IQCH: variants seen among roughly 807,000 people sequenced by gnomAD.
IQCH encodes IQ domain-containing protein H.
A neutral mutation model predicts 117.0 loss-of-function variants in IQCH; 98 were observed. The observed-to-expected ratio is 0.84, with a 90% CI of 0.71 to 0.99. The LOEUF (loss-of-function observed/expected upper bound fraction) is 0.99. Among genes scored for constraint, IQCH ranks in the 50% least tolerant of loss-of-function variants. The probability of loss-of-function intolerance (pLI) is 0.00; values close to 1 mark genes in which losing one functional copy is unlikely to be tolerated. For synonymous variants in IQCH, 412 were observed against 448.2 expected, an observed-to-expected ratio of 0.92 and a Z score of 1.02; for missense variants, 1,102 against 1,243.8, an observed-to-expected ratio of 0.89 and a Z score of 1.72.
rs1321735394 is a variant in IQCH at position 67,494,962 on chromosome 15, A to G, written c.2970+596A>G. ...ATCCAGTTGTGTATAATTGACTAGA[A>G]GTCTCCAAACTGTAAACTACAGGAA... On this transcript the variant is annotated intron_variant, in intron 20 of 20. Transcript: ENST00000335894. The surrounding 1 kb of genome is among the most constrained non-coding windows in gnomAD (Gnocchi z 5.5). 6.6e-6 allele frequency among the ~76,000 whole-genome samples: 1 copy of G among 152,238 alleles called. No individual in the cohort carries two copies. Among genetic ancestry groups the G allele is most frequent in the African/African-American group, 2.4e-5 (1 of 41,454 alleles).
chr15:67,381,316 G>A lies in IQCH; in HGVS notation c.1373-3620G>A, dbSNP rs746399089. 1.6e-4 allele frequency among the ~76,000 whole-genome samples: 25 copies of A among 152,304 alleles called. No homozygotes were observed. Among genetic ancestry groups the A allele is most frequent in the Middle Eastern group, 3.4e-3 (1 of 294 alleles). On this transcript the variant is annotated intron_variant, in intron 10 of 20. Coordinates refer to ENST00000335894, the MANE Select transcript of IQCH (RefSeq NM_001031715.3). This position sits in a 1 kb window ranked among gnomAD's most constrained non-coding sequence, Gnocchi z 5.1. ...TGATGAGCAACCTTGGTTCAGTGGG[G>A]GACCAGAAGTAGTAGATGAGTAACT...
intron 16 of IQCH, among the ~76,000 whole-genome samples, chr15:67,423,464 G>A (rs1036125580): frequency 6.6e-6 from 1 of 151,936 alleles, no homozygotes; most frequent in Non-Finnish European, 1.5e-5. Flanking sequence ...AGCTACTCAG[G>A]AGGCTGAAGT....
rs117225480 is a variant in IQCH at position 67,274,006 on chromosome 15, T to C, written c.270-5389T>C. 1.4e-3 allele frequency among the ~76,000 whole-genome samples: 217 copies of C among 152,368 alleles called. 1 individual carries two copies. The highest frequency in any genetic ancestry group is 2.8e-3 in the Non-Finnish European group (188 of 68,034). On this transcript the variant is annotated intron_variant, in intron 3 of 20. Transcript: ENST00000335894. ...TGTTTTCACATTCTCTCTTGGCTTATATCGTTTCCATTGAGAAGTCGTTTG... is the reference window on the plus strand; with the variant it reads ...TGTTTTCACATTCTCTCTTGGCTTACATCGTTTCCATTGAGAAGTCGTTTG...
In IQCH at chr15:67,284,964, C is replaced by T. The variant is rs145578058; in HGVS notation, c.387+5452C>T. Among the ~76,000 whole-genome samples the T allele has an allele frequency of 1.3e-3, 192 of 152,150 alleles. 1 individual carries two copies. The highest frequency in any genetic ancestry group is 4.5e-3 in the African/African-American group (185 of 41,534). On this transcript the variant is annotated intron_variant, in intron 4 of 20. Transcript: ENST00000335894. ...ATAGAATGATTTATATTCCTTTGGG[C>T]GTATACCCAGTAGTGGGATTGCTGG...
chr15:67,361,983 A>G (rs2140753577), intron 8 of IQCH, among the ~76,000 whole-genome samples: 1 of 152,282 alleles, frequency 6.6e-6, no homozygotes, highest in South Asian at 2.1e-4. Context: ...AATCTATTTT[A>G]TGGATAAAAC....
chr15:67,372,073 A>C, intron 8 of IQCH, 38 bp from the exon 9 acceptor site: 3 of 1,504,742 alleles, frequency 2.0e-6, no homozygotes, highest in Non-Finnish European at 2.7e-6. Flanking sequence ...AGATCATAAT[A>C]TCTTTCACTT....
Position 67,395,702 on chromosome 15 carries a change from C to CTTCATTTATTTATTTA in IQCH, c.1905+141_1905+142insCATTTATTTATTTATT, listed in dbSNP as rs368063168. 11 of 242,234 alleles carry CTTCATTTATTTATTTA rather than the reference C, an allele frequency of 4.5e-5. No homozygotes were observed. The highest frequency in any genetic ancestry group is 7.7e-5 in the Non-Finnish European group (10 of 129,050). 15.0% of individuals were successfully genotyped at this position (242,234 alleles called of 1,614,324 possible). A position where few individuals can be genotyped will look rare whatever the true frequency, so the allele number is the denominator to read the frequency against. On this transcript the variant is annotated intron_variant, in intron 13 of 20. Transcript: ENST00000335894. This position sits in a 1 kb window ranked among gnomAD's most constrained non-coding sequence, Gnocchi z 4.0. Reference sequence around the variant, plus strand: ...ATTTGAGTTGATTTGAGGGAATCTACTTTATTTATTTATTTATTTATTTAT... The same window carrying CTTCATTTATTTATTTA: ...ATTTGAGTTGATTTGAGGGAATCTACTTCATTTATTTATTTATTTATTTATTTATTTATTTATTTAT...
In IQCH at chr15:67,302,688, C is replaced by G. The variant is rs375862362; in HGVS notation, c.387+23176C>G. On this transcript the variant is annotated intron_variant, in intron 4 of 20. Coordinates refer to ENST00000335894, the MANE Select transcript of IQCH (RefSeq NM_001031715.3). ...CCTGACCAACATGGTGAAACCCTGT[C>G]TCTACTAAAAATACAAAAATTAGCC... Among the ~76,000 whole-genome samples, 103 of 152,292 alleles carry G rather than the reference C, an allele frequency of 6.8e-4. 4 individuals are homozygous for G. In the East Asian group the frequency reaches 0.012, roughly 17 times the overall value.
chr15:67,288,695 C>T (rs1966651259), intron 4 of IQCH, among the ~76,000 whole-genome samples: 1 of 152,054 alleles, frequency 6.6e-6, no homozygotes, highest in South Asian at 2.1e-4. Context: ...TTGCATCCAT[C>T]CAGCCACTCT....
intron 5 of IQCH, among the ~76,000 whole-genome samples, chr15:67,341,301 T>C (rs191438795): frequency 8.5e-5 from 13 of 152,288 alleles, no homozygotes; most frequent in Admixed American, 5.2e-4. Context: ...GTTGTTCTCC[T>C]TCCTTGTGAA....
In IQCH at chr15:67,263,159, A is replaced by G; in HGVS notation, c.212A>G (p.Asn71Ser). The G allele has an allele frequency of 6.3e-7, 1 of 1,581,578 alleles. No homozygotes were observed. Among genetic ancestry groups the G allele is most frequent in the Non-Finnish European group, 8.7e-7 (1 of 1,150,614 alleles). Residue 71 changes from asparagine to serine, a missense_variant, in exon 3 of 21, where the codon AAT becomes AGT. By Grantham distance (46) the Asn-to-Ser change is conservative. Transcript: ENST00000335894. ...IEKYLNVVNQ[N>S]VLTTSVNDES... ...AAGTATTTAAATGTTGTAAACCAGA[A>G]TGTATTAACGACTTCTGTTAATGAT...
chr15:67,315,597 T>A (rs1285858278), intron 4 of IQCH, among the ~76,000 whole-genome samples: 1 of 152,182 alleles, frequency 6.6e-6, no homozygotes, highest in Non-Finnish European at 1.5e-5. Flanking sequence ...AGTCATTCAA[T>A]TAGTAAGTGA....
chr15:67,448,249 G>T (rs1443298286), intron 16 of IQCH, among the ~76,000 whole-genome samples: 1 of 151,768 alleles, frequency 6.6e-6, no homozygotes, highest in Non-Finnish European at 1.5e-5. Flanking sequence ...TATACTTTAA[G>T]TTTTAGGGTA....
chr15:67,254,870 C>G lies in IQCH; in HGVS notation c.-27C>G. 2 of 1,610,984 alleles carry G rather than the reference C, an allele frequency of 1.2e-6. No homozygotes were observed. The highest frequency in any genetic ancestry group is 1.7e-6 in the Non-Finnish European group (2 of 1,178,232). On this transcript the variant is annotated 5_prime_UTR_variant, in exon 1 of 21. Coordinates refer to ENST00000335894, the MANE Select transcript of IQCH (RefSeq NM_001031715.3). ...TCCGTGCTTGGAAACCGCGCCTCCG[C>G]GGAGGTAGCCGTTCCCTGACCTAGC...
At position 67,400,126 on chromosome 15, in the gene IQCH, C is replaced by T; in HGVS notation, c.1918C>T (p.Leu640=). 6.2e-7 allele frequency: 1 copy of T among 1,613,650 alleles called. No individual in the cohort carries two copies. Among genetic ancestry groups the T allele is most frequent in the East Asian group, 2.2e-5 (1 of 44,836 alleles). Reference sequence around the variant, plus strand: ...TTTGGCCTCACAGATGATAGAGCAGCTGAGTCAGCTGATAACTGATCACCT... The same window carrying T: ...TTTGGCCTCACAGATGATAGAGCAGTTGAGTCAGCTGATAACTGATCACCT... The part of the protein sequence containing the change: ...IYSQQQMIEQ[L]SQLITDHLQI... The change falls in exon 14 of 21, where the codon CTG becomes TTG. Residue 640 remains leucine (L), a synonymous_variant. Coordinates refer to ENST00000335894, the MANE Select transcript of IQCH (RefSeq NM_001031715.3).
intron 16 of IQCH, among the ~76,000 whole-genome samples, chr15:67,461,675 A>G (rs550875270): frequency 4.6e-5 from 7 of 152,372 alleles, no homozygotes; most frequent in Non-Finnish European, 7.3e-5. Flanking sequence ...AAGCAAAAGC[A>G]TTTCAGCTCT....
chr15:67,355,647 G>A (rs1969863451), intron 6 of IQCH, among the ~76,000 whole-genome samples: 1 of 151,660 alleles, frequency 6.6e-6, no homozygotes, highest in Admixed American at 6.6e-5. Flanking sequence ...TGTCCAGAAA[G>A]ACAAGGATTT....
At chr15:67,318,349 C>A (rs1042622403) in intron 4 of IQCH, among the ~76,000 whole-genome samples, 1 of 152,076 alleles carries the variant, frequency 6.6e-6, no homozygotes, top group Admixed American at 6.6e-5. Flanking sequence ...AATGGGGGAC[C>A]TATGTGAAGA....
In IQCH at chr15:67,466,048, C is replaced by T. The variant is rs2082924935; in HGVS notation, c.2676+751C>T. On this transcript the variant is annotated intron_variant, in intron 17 of 20. Coordinates refer to ENST00000335894, the MANE Select transcript of IQCH (RefSeq NM_001031715.3). The surrounding 1 kb of genome is among the most constrained non-coding windows in gnomAD (Gnocchi z 4.4). ...GACTCCTGTGATCTTCAGGAAAATCCCATTTCCCAGCTTGGTTAAGGAGCC... is the reference window on the plus strand; with the variant it reads ...GACTCCTGTGATCTTCAGGAAAATCTCATTTCCCAGCTTGGTTAAGGAGCC... 6.6e-6 allele frequency among the ~76,000 whole-genome samples: 1 copy of T among 152,176 alleles called. No individual in the cohort carries two copies. The highest frequency in any genetic ancestry group is 2.4e-5 in the African/African-American group (1 of 41,442).
Sources: allele counts gnomAD v4.1 joint callset (sites outside exome capture counted in the v4.1 genomes callset), GRCh38; gene constraint gnomAD v4.1.1; non-coding constraint Gnocchi (gnomAD v3.1); transcripts MANE v1.5; gene names NCBI Gene and HGNC (gene_info 2026-07-23, HGNC 2026-07-21).